Variants in UTP20 observed in about 807,000 individuals in gnomAD.
The protein encoded by UTP20 is UTP20 small subunit processome component, also known as small subunit processome component 20 homolog.
A neutral mutation model predicts 329.5 loss-of-function variants in UTP20; 164 were observed. That is an observed-to-expected ratio of 0.50 (90% CI 0.44 to 0.57). UTP20 has a LOEUF of 0.57. Ranked by LOEUF, UTP20 falls within the 20% of genes least tolerant of loss-of-function variation. The probability of loss-of-function intolerance (pLI) is 0.00; values close to 1 mark genes in which losing one functional copy is unlikely to be tolerated. For missense variants in UTP20, 3,055 were observed against 3,284.2 expected (o/e 0.93, Z 1.71); for synonymous variants, 1,151 against 1,159.3 (o/e 0.99, Z 0.14).
Position 101,365,510 on chromosome 12 carries a change from T to C in UTP20, c.6010T>C (p.Leu2004=). The C allele has an allele frequency of 6.2e-7, 1 of 1,612,782 alleles. No homozygotes were observed. Among genetic ancestry groups the C allele is most frequent in the Non-Finnish European group, 8.5e-7 (1 of 1,179,678 alleles). The change falls in exon 46 of 62, where the codon TTA becomes CTA. Residue 2004 remains leucine, a synonymous_variant. Coordinates refer to ENST00000261637, the MANE Select transcript of UTP20 (RefSeq NM_014503.3). ...LKLARKVHET[L]RRITVGLIVN... ...ACTGGCCCGGAAAGTTCATGAAACT[T>C]TACGCCGAATCACAGTGGGATTAAT...
chr12:101,378,036 A>G (rs1870532762), intron 56 of UTP20, among the ~76,000 whole-genome samples: 1 of 152,158 alleles, frequency 6.6e-6, no homozygotes, highest in East Asian at 1.9e-4. Context: ...AGCGTGGGCA[A>G]CATGGTGAAA....
chr12:101,354,960 G>A lies in UTP20; in HGVS notation c.5236G>A (p.Asp1746Asn), dbSNP rs1403432291. The A allele has an allele frequency of 6.2e-7, 1 of 1,614,030 alleles. No homozygotes were observed. ...ACAACCGGGAACCCCTGATCCAGCT[G>A]ACTCTGGAGGAACATCAGCTAAAGA... ...NGQPGTPDPA[D>N]SGGTSAKESE... Residue 1746 changes from aspartate to asparagine, a missense_variant, in exon 41 of 62, where the codon GAC becomes AAC. Coordinates refer to ENST00000261637, the MANE Select transcript of UTP20 (RefSeq NM_014503.3).
chr12:101,365,677 C>A lies in UTP20; in HGVS notation c.6125+52C>A, dbSNP rs764551323. 12 of 1,416,800 alleles carry A rather than the reference C, an allele frequency of 8.5e-6. No homozygotes were observed. The African/African-American group carries it at 1.6e-4, about 19-fold the overall frequency. 87.8% of individuals were successfully genotyped at this position (1,416,800 alleles called of 1,614,324 possible). A position where few individuals can be genotyped will look rare whatever the true frequency, so the allele number is the denominator to read the frequency against. On this transcript the variant is annotated intron_variant, in intron 46 of 61. Transcript: ENST00000261637. ...ATTTAGGTCTCTGCGTCTGATAAGC[C>A]ATTCTGTGGGTTGTTTTAATAATTT...
rs11417670 is a variant in UTP20 at position 101,344,934 on chromosome 12, CTTTTTTTTTTTT to C, written c.4605+202_4605+213del. Among the ~76,000 whole-genome samples, 184 of 61,564 alleles carry C rather than the reference CTTTTTTTTTTTT, an allele frequency of 3.0e-3. 5 individuals are homozygous for C. The highest frequency in any genetic ancestry group is 1.5e-3 in the Non-Finnish European group (48 of 31,966). The allele number at this position is 61,564 out of a possible 152,430, so 40.4% of individuals were successfully genotyped here. A position where few individuals can be genotyped will look rare whatever the true frequency, so the allele number is the denominator to read the frequency against. Reference sequence around the variant, plus strand: ...CTAGAAAGGAGAGCACTTTTTTTTGCTTTTTTTTTTTTTTTTTTTTTTTTTTTTTGAGACGGA... The same window carrying C: ...CTAGAAAGGAGAGCACTTTTTTTTGCTTTTTTTTTTTTTTTTTGAGACGGA... On this transcript the variant is annotated intron_variant, in intron 36 of 61. Transcript: ENST00000261637.
At chr12:101,385,882 GTTTT>G in intron 61 of UTP20, 82 bp from the exon 62 acceptor site, 1 of 1,450,350 alleles carries the variant, frequency 6.9e-7, no homozygotes, top group Non-Finnish European at 9.2e-7. Flanking sequence ...ATGAGCATGT[GTTTT>G]TTACATTTAT....
intron 31 of UTP20, among the ~76,000 whole-genome samples, chr12:101,339,493 C>A (rs1408432270): frequency 1.3e-5 from 2 of 152,008 alleles, no homozygotes; most frequent in Non-Finnish European, 2.9e-5. Context: ...ATAGCATCTG[C>A]CTTTATTTAA....
At chr12:101,354,340 T>C (rs1316974253) in intron 40 of UTP20, among the ~76,000 whole-genome samples, 2 of 151,718 alleles carry the variant, frequency 1.3e-5, no homozygotes, top group Non-Finnish European at 2.9e-5. Flanking sequence ...GCACAGATTG[T>C]TTTATGGCTA....
rs775434089 is a variant in UTP20, at chr12:101,320,930, C to A, written c.2908C>A (p.Pro970Thr). ...GACATATAAACATCCTCATGTCCTC[C>A]CTTACAGGTAAGTTACTTGAAGCTT... Reference protein sequence around the residue: ...IMTYKHPHVLPYRENLQRLLE... With the variant: ...IMTYKHPHVLTYRENLQRLLE... The change falls in exon 24 of 62, where the codon CCT (proline) becomes ACT (threonine). Residue 970 changes from proline to threonine, a missense_variant. Physicochemically the swap from Pro to Thr is conservative, Grantham distance 38. Around this residue, in one of 3 missense-constraint regions of UTP20, gnomAD observed 2,445 missense variants for 2,575.5 expected, o/e 0.95. Transcript: ENST00000261637. 2.5e-5 allele frequency: 40 copies of A among 1,604,550 alleles called. No individual in the cohort carries two copies. Among genetic ancestry groups the A allele is most frequent in the Non-Finnish European group, 3.1e-5 (36 of 1,177,708 alleles).
chr12:101,363,516 C>A, intron 44 of UTP20, 60 bp from the exon 45 acceptor site: 1 of 1,484,566 alleles, frequency 6.7e-7, no homozygotes, highest in Non-Finnish European at 9.1e-7. Flanking sequence ...TCAGTGACTG[C>A]TTATGTTGGC....
rs138419405 is a variant in UTP20 at position 101,334,427 on chromosome 12, C to G, written c.3564C>G (p.Ile1188Met). 382 of 1,611,302 alleles carry G rather than the reference C, an allele frequency of 2.4e-4. No individual in the cohort carries two copies. The African/African-American group carries it at 4.3e-3, about 18-fold the overall frequency. The part of the protein sequence containing the change: ...AVFHGAVWPQ[I>M]SRLGSESQYS... ...CTGTTTTTTACTTTGTCTCCTAGATCAGCAGGCTTGGATCTGAGAGTCAAT... is the reference window on the plus strand; with the variant it reads ...CTGTTTTTTACTTTGTCTCCTAGATGAGCAGGCTTGGATCTGAGAGTCAAT... The change falls in exon 29 of 62, where the codon ATC becomes ATG. Residue 1188 changes from isoleucine (I) to methionine (M), a missense_variant and splice_region_variant. Coordinates refer to ENST00000261637, the MANE Select transcript of UTP20 (RefSeq NM_014503.3).
rs1593459473 is a variant in UTP20, at chr12:101,385,510, T to G, written c.8057-73T>G. On this transcript the variant is annotated intron_variant, in intron 60 of 61. Transcript: ENST00000261637. The stretch of plus-strand genomic sequence containing the variant: ...TAGCTGGATATAAATGTTGTACATA[T>G]TGTTGATTTTGTTGATGTTCAAATG... The G allele has an allele frequency of 2.7e-6, 4 of 1,495,476 alleles. No homozygotes were observed. The East Asian group carries it at 9.2e-5, about 34-fold the overall frequency. The allele number at this position is 1,495,476 out of a possible 1,614,324, so 92.6% of individuals were successfully genotyped here.
At chr12:101,341,866 C>T (rs1470875901) in intron 32 of UTP20, among the ~76,000 whole-genome samples, 1 of 152,118 alleles carries the variant, frequency 6.6e-6, no homozygotes, top group African/African-American at 2.4e-5. Flanking sequence ...GATCATGCCA[C>T]TGCACTCCAG....
At chr12:101,379,720 C>T (rs570084091) in intron 57 of UTP20, among the ~76,000 whole-genome samples, 162 bp downstream of exon 57, 1 of 152,288 alleles carries the variant, frequency 6.6e-6, no homozygotes, top group Non-Finnish European at 1.5e-5. Context: ...AGGGGTCACT[C>T]TCAAGGCCAG....
intron 11 of UTP20, among the ~76,000 whole-genome samples, chr12:101,294,845 C>T (rs1057151762): frequency 6.6e-6 from 1 of 152,052 alleles, no homozygotes; most frequent in Non-Finnish European, 1.5e-5. Flanking sequence ...CACCTGGCCT[C>T]ATTTTTCTTA....
rs1363675896 is a variant in UTP20 at position 101,322,451 on chromosome 12, TG to T, written c.3041+824del. Among the ~76,000 whole-genome samples the T allele has an allele frequency of 3.9e-5, 6 of 152,302 alleles. No homozygotes were observed. The East Asian group carries it at 9.6e-4, about 24-fold the overall frequency. ...ATGTTATTATTCCTTTAATTATAAA[TG>T]GTAGAGCAAAAAGATGATCCATAAA... On this transcript the variant is annotated intron_variant, in intron 25 of 61. Coordinates refer to ENST00000261637, the MANE Select transcript of UTP20 (RefSeq NM_014503.3).
At position 101,306,179 on chromosome 12, in the gene UTP20, T is replaced by C. The variant is rs2137247620; in HGVS notation, c.1932+114T>C. 1.8e-5 allele frequency: 23 copies of C among 1,289,116 alleles called. No individual in the cohort carries two copies. The South Asian group carries it at 3.2e-4, about 18-fold the overall frequency. The allele number at this position is 1,289,116 out of a possible 1,614,324, so 79.9% of individuals were successfully genotyped here. A position where few individuals can be genotyped will look rare whatever the true frequency, so the allele number is the denominator to read the frequency against. The stretch of plus-strand genomic sequence containing the variant: ...AAGTGTTGCTGTGGGATGATTTCTG[T>C]TTAAAGCGATGATTCTTAAATGTTG... On this transcript the variant is annotated intron_variant, in intron 16 of 61. Transcript: ENST00000261637.
intron 43 of UTP20, among the ~76,000 whole-genome samples, chr12:101,358,835 T>C (rs1402588240): frequency 6.6e-6 from 1 of 152,204 alleles, no homozygotes; most frequent in African/African-American, 2.4e-5. Context: ...ATCACACTTA[T>C]AAATTATGAA....
chr12:101,310,235 T>A lies in UTP20; in HGVS notation c.2231+396T>A, dbSNP rs189380814. Among the ~76,000 whole-genome samples the A allele has an allele frequency of 4.5e-4, 68 of 152,226 alleles. 1 individual carries two copies. Among genetic ancestry groups the A allele is most frequent in the African/African-American group, 1.6e-3 (68 of 41,550 alleles). ...TTTTTCAAAACCTTGCTGTCTAGCATCCAAAATCCCTTTAGCCCCAAAATG... is the reference window on the plus strand; with the variant it reads ...TTTTTCAAAACCTTGCTGTCTAGCAACCAAAATCCCTTTAGCCCCAAAATG... On this transcript the variant is annotated intron_variant, in intron 19 of 61. Coordinates refer to ENST00000261637, the MANE Select transcript of UTP20 (RefSeq NM_014503.3).
chr12:101,308,056 T>A, intron 17 of UTP20, 129 bp from the exon 18 acceptor site: 4 of 805,850 alleles, frequency 5.0e-6, no homozygotes, highest in Non-Finnish European at 6.9e-6. Context: ...AAAAAAGTGT[T>A]ACTTATTTCA....
Sources: gnomAD v4.1 joint callset for allele counts (sites outside exome capture counted in the v4.1 genomes callset) on GRCh38, gnomAD v4.1.1 for gene constraint, gnomAD v4.1.1 regional missense constraint, MANE v1.5 for transcripts, NCBI Gene and HGNC (gene_info 2026-07-23, HGNC 2026-07-21) for gene names.